Variants in SYNPO2L observed in about 807,000 individuals in gnomAD.
The protein encoded by SYNPO2L is synaptopodin 2-like protein.
Under a neutral mutation model 47.5 loss-of-function variants are expected in SYNPO2L, and 34 were observed. That is an observed-to-expected ratio of 0.72 (90% CI 0.54 to 0.95). SYNPO2L has a LOEUF of 0.95. SYNPO2L is among the 40% of genes least tolerant of loss of function. SYNPO2L has a pLI of 0.00. For missense variants in SYNPO2L, 1,246 were observed against 1,282.0 expected (o/e 0.97, Z 0.43); for synonymous variants, 536 against 524.9 (o/e 1.02, Z -0.29).
chr10:73,654,411 A>G, intron 1 of SYNPO2L, 131 bp from the exon 2 acceptor site: 1 of 1,170,010 alleles, frequency 8.5e-7, no homozygotes, highest in Non-Finnish European at 1.2e-6. Context: ...GATGCATGGA[A>G]GTGGCTGCAG....
chr10:73,649,933 G>A (rs1325109888), intron 3 of SYNPO2L: 22 of 985,282 alleles, frequency 2.2e-5, no homozygotes, highest in Non-Finnish European at 2.4e-5. Flanking sequence ...CCCAAGCTGG[G>A]GATGGTAGTG....
Position 73,645,413 on chromosome 10 carries a change from T to A in SYNPO2L, c.*1305A>T, listed in dbSNP as rs1382063605. 2.0e-6 allele frequency: 2 copies of A among 1,002,070 alleles called. No homozygotes were observed. The highest frequency in any genetic ancestry group is 2.4e-6 in the Non-Finnish European group (2 of 841,600). The allele number at this position is 1,002,070 out of a possible 1,614,324, so 62.1% of individuals were successfully genotyped here. The stretch of plus-strand genomic sequence containing the variant: ...CACTTACACTCATTTCTGCCATGCT[T>A]CTGATTTTGGCCTCACTTGCCACAC... On this transcript the variant is annotated 3_prime_UTR_variant, in exon 4 of 4. Transcript: ENST00000394810.
chr10:73,648,870 C>T lies in SYNPO2L; in HGVS notation c.782G>A (p.Arg261His), dbSNP rs564825543. 8 of 1,516,474 alleles carry T rather than the reference C, an allele frequency of 5.3e-6. No individual in the cohort carries two copies. Among genetic ancestry groups the T allele is most frequent in the Non-Finnish European group, 7.1e-6 (8 of 1,134,404 alleles). 93.9% of individuals were successfully genotyped at this position (1,516,474 alleles called of 1,614,324 possible). Residue 261 changes from arginine (R) to histidine (H), a missense_variant, in exon 4 of 4, where the codon CGT becomes CAT. By Grantham distance (29) the Arg-to-His change is conservative. Around this residue, in one of 3 missense-constraint regions of SYNPO2L, gnomAD observed 1,037 missense variants for 1,021.5 expected, o/e 1.02. Coordinates refer to ENST00000394810, the MANE Select transcript of SYNPO2L (RefSeq NM_001114133.3). ...GCTCTTCTCTTGGAGGCTCTCTGCA[C>T]GTTGCAGTTCTGGGGAGGCCAAGAG... ...TQKAKQAKLQ[R>H]AESLQEKSIK...
rs1564995404 is a variant in SYNPO2L at position 73,654,110 on chromosome 10, A to G, written c.257+19T>C. 1 of 1,549,340 alleles carries G rather than the reference A, an allele frequency of 6.5e-7. No homozygotes were observed. Among genetic ancestry groups the G allele is most frequent in the Non-Finnish European group, 8.7e-7 (1 of 1,145,190 alleles). ...GGGAGCCCTGGATTAGGGGAAGAGA[A>G]GAGGAGAGAGGTCCATACCGCTGCA... On this transcript the variant is annotated intron_variant, in intron 2 of 3. Transcript: ENST00000394810.
intron 3 of SYNPO2L, chr10:73,650,693 A>G (rs2081834285): frequency 1.0e-6 from 1 of 985,248 alleles, no homozygotes; most frequent in African/African-American, 1.7e-5. Context: ...TGTTCCCATG[A>G]GTTTTCTACA....
chr10:73,651,110 T>G (rs2132421713), intron 3 of SYNPO2L: 1 of 1,415,190 alleles, frequency 7.1e-7, no homozygotes, highest in Non-Finnish European at 9.3e-7. Flanking sequence ...CTGAATGAGC[T>G]CACTGTGCTA....
At chr10:73,650,652 T>G in intron 3 of SYNPO2L, 1 of 955,762 alleles carries the variant, frequency 1.0e-6, no homozygotes, top group Non-Finnish European at 1.2e-6. Context: ...ATACATGCCT[T>G]CATGTATTCA....
In SYNPO2L at chr10:73,653,145, GC is replaced by G; in HGVS notation, c.765del (p.Lys255AsnfsTer16). 1 of 1,447,950 alleles carries G rather than the reference GC, an allele frequency of 6.9e-7. No individual in the cohort carries two copies. Among genetic ancestry groups the G allele is most frequent in the Non-Finnish European group, 9.1e-7 (1 of 1,096,380 alleles). The allele number at this position is 1,447,950 out of a possible 1,614,324, so 89.7% of individuals were successfully genotyped here. ...AAGGGGTTCAGGCACTCACTGGCTT[GC>G]TTGGCCTTCTGGGTGTAGGTGGTAG... The part of the protein sequence containing the change: ...DLTTTYTQKA[K>X]QAKLQRAESL... On this transcript the variant is annotated frameshift_variant, in exon 3 of 4. Coordinates refer to ENST00000394810, the MANE Select transcript of SYNPO2L (RefSeq NM_001114133.3). LOFTEE classifies it high-confidence loss of function.
Position 73,646,924 on chromosome 10 carries a change from G to T in SYNPO2L, c.2728C>A (p.Arg910=). The change falls in exon 4 of 4, where the codon CGA becomes AGA. Residue 910 remains arginine (R), a synonymous_variant. Coordinates refer to ENST00000394810, the MANE Select transcript of SYNPO2L (RefSeq NM_001114133.3). ...EPLAPTVLAP[R]AATTLDEPIW... is the part of the protein sequence containing the mutation. ...GGCTCATCCAGTGTAGTGGCTGCTCGGGGGGCAAGCACAGTGGGAGCCAGG... is the reference window on the plus strand; with the variant it reads ...GGCTCATCCAGTGTAGTGGCTGCTCTGGGGGCAAGCACAGTGGGAGCCAGG... 2 of 1,587,978 alleles carry T rather than the reference G, an allele frequency of 1.3e-6. No individual in the cohort carries two copies. Among genetic ancestry groups the T allele is most frequent in the Non-Finnish European group, 1.7e-6 (2 of 1,164,648 alleles).
In SYNPO2L at chr10:73,647,613, C is replaced by T; in HGVS notation, c.2039G>A (p.Gly680Glu). 1 of 1,614,150 alleles carries T rather than the reference C, an allele frequency of 6.2e-7. No individual in the cohort carries two copies. Among genetic ancestry groups the T allele is most frequent in the Middle Eastern group, 1.7e-4 (1 of 6,058 alleles). The change falls in exon 4 of 4, where the codon GGG becomes GAG. Residue 680 changes from glycine to glutamate, a missense_variant. Coordinates refer to ENST00000394810, the MANE Select transcript of SYNPO2L (RefSeq NM_001114133.3). The stretch of plus-strand genomic sequence containing the variant: ...CTGCATGAAGTTGCAGGCTTCAGCC[C>T]CGAGGCTCAGAGCATCTTCTTCAGG... Reference protein sequence around the residue: ...SGPEEDALSLGAEACNFMQPV... With the variant: ...SGPEEDALSLEAEACNFMQPV...
intron 3 of SYNPO2L, among the ~76,000 whole-genome samples, chr10:73,652,626 C>T (rs1014176358): frequency 5.3e-5 from 8 of 152,082 alleles, no homozygotes; most frequent in African/African-American, 1.4e-4. Flanking sequence ...GCCAAGATCA[C>T]GCCATTGCAT....
Position 73,648,428 on chromosome 10 carries a change from G to A in SYNPO2L, c.1224C>T (p.Val408=), listed in dbSNP as rs1159906425. ...ADSSTQELAR[V]EPAAMLNGEG... ...CCCCGTTGAGCATGGCTGCTGGTTC[G>A]ACCCGTGCCAGTTCCTGGGTGCTGG... The change falls in exon 4 of 4, where the codon GTC becomes GTT. Residue 408 remains valine (V), a synonymous_variant. Coordinates refer to ENST00000394810, the MANE Select transcript of SYNPO2L (RefSeq NM_001114133.3). The A allele has an allele frequency of 6.2e-7, 1 of 1,608,544 alleles. No homozygotes were observed.
In SYNPO2L at chr10:73,648,344, T is replaced by G. The variant is rs770074812; in HGVS notation, c.1308A>C (p.Pro436=). The part of the protein sequence containing the change: ...QSAPPEAAVL[P]PSPLPAPVAS... ...CTACAGGCGCCGGCAAGGGGCTGGG[T>G]GGGAGCACAGCTGCCTCTGGGGGAG... Residue 436 remains proline (P), a synonymous_variant, in exon 4 of 4, where the codon CCA becomes CCC. Transcript: ENST00000394810. 6.2e-7 allele frequency: 1 copy of G among 1,604,596 alleles called. No individual in the cohort carries two copies. The highest frequency in any genetic ancestry group is 2.2e-5 in the East Asian group (1 of 44,810).
In SYNPO2L at chr10:73,647,065, A is replaced by G. The variant is rs2081763192; in HGVS notation, c.2587T>C (p.Cys863Arg). 1 of 1,613,980 alleles carries G rather than the reference A, an allele frequency of 6.2e-7. No homozygotes were observed. Residue 863 changes from cysteine (C) to arginine (R), a missense_variant, in exon 4 of 4, where the codon TGT (cysteine) becomes CGT (arginine). Cys to Arg is a radical substitution (Grantham distance 180). Around this residue, in one of 3 missense-constraint regions of SYNPO2L, gnomAD observed 1,037 missense variants for 1,021.5 expected, o/e 1.02. Transcript: ENST00000394810. Reference sequence around the variant, plus strand: ...GGAGTCGGGGGAACCTCATCAAAACAGAACATGGCAGTTTTAAGTTGATAG... The same window carrying G: ...GGAGTCGGGGGAACCTCATCAAAACGGAACATGGCAGTTTTAAGTTGATAG... ...QPYQLKTAMF[C>R]FDEVPPTPGP...
At chr10:73,652,799 C>T (rs1397286751) in intron 3 of SYNPO2L, among the ~76,000 whole-genome samples, 1 of 152,174 alleles carries the variant, frequency 6.6e-6, no homozygotes, top group Non-Finnish European at 1.5e-5. Flanking sequence ...TAAATACTCC[C>T]CTGTCCTGTG....
At position 73,646,646 on chromosome 10, in the gene SYNPO2L, GGGATA is replaced by G; in HGVS notation, c.*67_*71del. 1 of 1,359,566 alleles carries G rather than the reference GGGATA, an allele frequency of 7.4e-7. No individual in the cohort carries two copies. The highest frequency in any genetic ancestry group is 9.5e-7 in the Non-Finnish European group (1 of 1,049,094). The allele number at this position is 1,359,566 out of a possible 1,614,324, so 84.2% of individuals were successfully genotyped here. On this transcript the variant is annotated 3_prime_UTR_variant, in exon 4 of 4. Transcript: ENST00000394810. ...AGCTTCCAGATGCGTGACAGGGGATGGGATAGGGTAGGAGAAGCAACTTTAGGAAC... is the reference window on the plus strand; with the variant it reads ...AGCTTCCAGATGCGTGACAGGGGATGGGGTAGGAGAAGCAACTTTAGGAAC...
At chr10:73,651,950 C>T (rs775296047) in intron 3 of SYNPO2L, among the ~76,000 whole-genome samples, 1 of 150,706 alleles carries the variant, frequency 6.6e-6, no homozygotes, top group Non-Finnish European at 1.5e-5. Context: ...TGGCGGGCAC[C>T]TGTAATCCCA....
chr10:73,652,066 CAA>C (rs1178972762), intron 3 of SYNPO2L, among the ~76,000 whole-genome samples: 2 of 47,802 alleles, frequency 4.2e-5, no homozygotes, highest in Admixed American at 2.1e-4. Flanking sequence ...GACTCTATCT[CAA>C]AAAAAAAAAA....
chr10:73,655,223 G>T (rs940897736), intron 1 of SYNPO2L, among the ~76,000 whole-genome samples: 1 of 152,108 alleles, frequency 6.6e-6, no homozygotes, highest in Admixed American at 6.5e-5. Flanking sequence ...TTTACAGTTC[G>T]GAAAACTAAG....
Sources: gnomAD v4.1 joint callset for allele counts (sites outside exome capture counted in the v4.1 genomes callset) on GRCh38, gnomAD v4.1.1 for gene constraint, gnomAD v4.1.1 regional missense constraint, MANE v1.5 for transcripts, NCBI Gene and HGNC (gene_info 2026-07-23, HGNC 2026-07-21) for gene names.